The following KNDC1 variants were observed in gnomAD, a reference collection of about 807,000 sequenced individuals.
KNDC1 encodes the protein kinase non-catalytic C-lobe domain containing 1.
A neutral mutation model predicts 172.8 loss-of-function variants in KNDC1; 106 were observed. The observed-to-expected ratio is 0.61, with a 90% CI of 0.52 to 0.72. The LOEUF (loss-of-function observed/expected upper bound fraction) is 0.72, where lower values mean the gene tolerates loss of function less well. KNDC1 is among the 30% of genes least tolerant of loss of function. The probability of loss-of-function intolerance (pLI) is 0.00; values close to 1 mark genes in which losing one functional copy is unlikely to be tolerated. For missense variants in KNDC1, 2,325 were observed against 2,394.5 expected, an observed-to-expected ratio of 0.97 and a Z score of 0.61; for synonymous variants, 1,083 against 1,062.2, an observed-to-expected ratio of 1.02 and a Z score of -0.38.
At position 133,225,570 on chromosome 10, in the gene KNDC1, C is replaced by G. The variant is rs1169467270; in HGVS notation, c.*680C>G. 1 of 153,048 alleles carries G rather than the reference C, an allele frequency of 6.5e-6. No individual in the cohort carries two copies. Among genetic ancestry groups the G allele is most frequent in the Non-Finnish European group, 1.5e-5 (1 of 68,742 alleles). 9.5% of individuals were successfully genotyped at this position (153,048 alleles called of 1,614,324 possible). On this transcript the variant is annotated 3_prime_UTR_variant, in exon 30 of 30. Transcript: ENST00000304613. ...CTGCTCCCCCAGGGCCCAGGGCCCC[C>G]CAGCTTAGAACAGCCCTTGGTGAGG...
intron 23 of KNDC1, among the ~76,000 whole-genome samples, chr10:133,212,222 C>G (rs1165746416): frequency 6.6e-6 from 1 of 151,600 alleles, no homozygotes; most frequent in Non-Finnish European, 1.5e-5. Context: ...ATATCCACAC[C>G]TACACGTGTG....
chr10:133,200,410 G>A lies in KNDC1; in HGVS notation c.2939G>A (p.Ser980Asn). 6.3e-7 allele frequency: 1 copy of A among 1,598,634 alleles called. No individual in the cohort carries two copies. Among genetic ancestry groups the A allele is most frequent in the East Asian group, 2.3e-5 (1 of 43,320 alleles). ...GAGGCTGGGTCACAGCTCGAGGGCAGCCAAAGCCCCCGCTCCCCGTCCAGC... is the reference window on the plus strand; with the variant it reads ...GAGGCTGGGTCACAGCTCGAGGGCAACCAAAGCCCCCGCTCCCCGTCCAGC... ...AEEAGSQLEG[S>N]QSPRSPSSKR... The change falls in exon 16 of 30, where the codon AGC becomes AAC. Residue 980 changes from serine to asparagine, a missense_variant. By Grantham distance (46) the Ser-to-Asn change is conservative. Transcript: ENST00000304613.
In KNDC1 at chr10:133,198,725, G is replaced by C. The variant is rs745323541; in HGVS notation, c.2217G>C (p.Gln739His). 6.3e-7 allele frequency: 1 copy of C among 1,576,686 alleles called. No individual in the cohort carries two copies. Among genetic ancestry groups the C allele is most frequent in the South Asian group, 1.2e-5 (1 of 86,650 alleles). Reference sequence around the variant, plus strand: ...GGCCGGTGCCTGGTCCGGGGCCACAGGGAGCAGCCCCAGAGCCTCTTGGGG... The same window carrying C: ...GGCCGGTGCCTGGTCCGGGGCCACACGGAGCAGCCCCAGAGCCTCTTGGGG... ...PDGPVPGPGP[Q>H]GAAPEPLGAS... is the part of the protein sequence containing the mutation. Residue 739 changes from glutamine to histidine, a missense_variant, in exon 14 of 30, where the codon CAG becomes CAC. By Grantham distance (24) the Gln-to-His change is conservative. Transcript: ENST00000304613.
At chr10:133,164,602 C>T (rs888519790) in intron 1 of KNDC1, among the ~76,000 whole-genome samples, 17 of 152,190 alleles carry the variant, frequency 1.1e-4, no homozygotes, top group Non-Finnish European at 2.1e-4. Flanking sequence ...GAGGCCACCT[C>T]GGCAGCCCCG....
rs757182451 is a variant in KNDC1, at chr10:133,200,459, G to C, written c.2988G>C (p.Leu996=). The change falls in exon 16 of 30, where the codon CTG becomes CTC. Residue 996 remains leucine, a splice_region_variant and synonymous_variant. Transcript: ENST00000304613. Reference sequence around the variant, plus strand: ...GCAAGAGGCCGTCGCTGCACCGCCTGGGTAAGTGCTGGGCGGGCCCCGCGG... The same window carrying C: ...GCAAGAGGCCGTCGCTGCACCGCCTCGGTAAGTGCTGGGCGGGCCCCGCGG... The part of the protein sequence containing the change: ...PSSKRPSLHR[L]GKEKPAMART... The C allele has an allele frequency of 1.3e-6, 2 of 1,573,346 alleles. No homozygotes were observed. The highest frequency in any genetic ancestry group is 3.6e-5 in the Admixed American group (2 of 55,762).
rs769679687 is a variant in KNDC1 at position 133,188,575 on chromosome 10, C to T, written c.1363C>T (p.Arg455Trp). Residue 455 changes from arginine to tryptophan, a missense_variant, in exon 7 of 30, where the codon CGG becomes TGG. Coordinates refer to ENST00000304613, the MANE Select transcript of KNDC1 (RefSeq NM_152643.8). ...SLQDLLSQLG[R>W]PFREYELWAL... ...GCAGGACCTCCTGTCCCAGCTGGGC[C>T]GGCCCTTCCGGGAGTACGAGCTGTG... 4.4e-6 allele frequency: 7 copies of T among 1,587,480 alleles called. No individual in the cohort carries two copies. Among genetic ancestry groups the T allele is most frequent in the African/African-American group, 1.3e-5 (1 of 74,772 alleles).
Position 133,211,382 on chromosome 10 carries a change from C to T in KNDC1, c.3909-40C>T, listed in dbSNP as rs1489085352. 3.1e-6 allele frequency: 5 copies of T among 1,597,538 alleles called. No individual in the cohort carries two copies. The African/African-American group carries it at 4.0e-5, about 13-fold the overall frequency. ...AGCCCCTGGGCCTCTGCCCCCGACT[C>T]CCACATCCTGGCAGCTCAGCAGCTC... is the stretch of plus-strand genomic sequence containing the variant. On this transcript the variant is annotated intron_variant, in intron 21 of 29. Transcript: ENST00000304613.
chr10:133,186,888 A>G (rs948051253), intron 6 of KNDC1, among the ~76,000 whole-genome samples: 1 of 152,140 alleles, frequency 6.6e-6, no homozygotes, highest in African/African-American at 2.4e-5. Context: ...CCTCTCGGGT[A>G]GACGTTTGCC....
intron 29 of KNDC1, among the ~76,000 whole-genome samples, chr10:133,220,530 T>A (rs557401784): frequency 8.1e-3 from 125 of 15,492 alleles, no homozygotes; most frequent in African/African-American, 0.019. Context: ...CGCGCCCAGG[T>A]GAGGAGGGGC....
rs1040404028 is a variant in KNDC1 at position 133,197,591 on chromosome 10, G to A, written c.1813-84G>A. On this transcript the variant is annotated intron_variant, in intron 11 of 29. Transcript: ENST00000304613. The stretch of plus-strand genomic sequence containing the variant: ...AGCAGGAAGCTCCACGGCACCGGCG[G>A]GTGGTGGGGGACGCCCTGTGGGTGT... 7 of 1,017,744 alleles carry A rather than the reference G, an allele frequency of 6.9e-6. No homozygotes were observed. The South Asian group carries it at 7.8e-5, about 11-fold the overall frequency. The allele number at this position is 1,017,744 out of a possible 1,614,324, so 63.0% of individuals were successfully genotyped here.
intron 4 of KNDC1, 59 bp from the exon 5 acceptor site, chr10:133,183,813 T>C: frequency 7.5e-7 from 1 of 1,337,818 alleles, no homozygotes; most frequent in Non-Finnish European, 1.0e-6. Context: ...GTCGGGTGGG[T>C]GGCTGCGGGA....
At chr10:133,223,994 T>A (rs1431660520) in intron 29 of KNDC1, among the ~76,000 whole-genome samples, 40 of 130,394 alleles carry the variant, frequency 3.1e-4, no homozygotes, top group Middle Eastern at 4.3e-3. Flanking sequence ...TGTGTGTGTG[T>A]GAGAGAGCCC....
intron 3 of KNDC1, among the ~76,000 whole-genome samples, chr10:133,182,953 AGGCGGTGTG>A (rs1853763086): frequency 2.4e-5 from 3 of 125,974 alleles, no homozygotes; most frequent in African/African-American, 6.0e-5. Context: ...GTGTGGGCAC[AGGCGGTGTG>A]GGCACAGGCG....
rs569273422 is a variant in KNDC1 at position 133,209,250 on chromosome 10, T to C, written c.3795-1361T>C. 6.1e-5 allele frequency among the ~76,000 whole-genome samples: 9 copies of C among 147,888 alleles called. No individual in the cohort carries two copies. The highest frequency in any genetic ancestry group is 5.4e-4 in the Admixed American group (8 of 14,806). Reference sequence around the variant, plus strand: ...GTGTGGTGCGTATGCACATGTGTGGTGTGTGGTATGCGGTAGTGTGTGTGT... The same window carrying C: ...GTGTGGTGCGTATGCACATGTGTGGCGTGTGGTATGCGGTAGTGTGTGTGT... On this transcript the variant is annotated intron_variant, in intron 20 of 29. Coordinates refer to ENST00000304613, the MANE Select transcript of KNDC1 (RefSeq NM_152643.8). This position sits in a 1 kb window ranked among gnomAD's most constrained non-coding sequence, Gnocchi z 4.9.
chr10:133,212,932 G>A lies in KNDC1; in HGVS notation c.4443+10G>A, dbSNP rs1206461013. 1.9e-6 allele frequency: 3 copies of A among 1,604,836 alleles called. No individual in the cohort carries two copies. Among genetic ancestry groups the A allele is most frequent in the East Asian group, 2.2e-5 (1 of 44,702 alleles). ...CACGCTGCTACAGCAGGTGAGGAGG[G>A]CGAGGATCTGCGCCCAGGTCACCTG... On this transcript the variant is annotated intron_variant, in intron 24 of 29. Transcript: ENST00000304613.
Position 133,224,978 on chromosome 10 carries a change from C to T in KNDC1, c.*88C>T, listed in dbSNP as rs1589782266. ...GTGGGAGCCGCGTCTCAGGCCCGGCCGTTATCAAGGCCCCTCCGCCCCCGA... is the reference window on the plus strand; with the variant it reads ...GTGGGAGCCGCGTCTCAGGCCCGGCTGTTATCAAGGCCCCTCCGCCCCCGA... On this transcript the variant is annotated 3_prime_UTR_variant, in exon 30 of 30. Coordinates refer to ENST00000304613, the MANE Select transcript of KNDC1 (RefSeq NM_152643.8). This position sits in a 1 kb window ranked among gnomAD's most constrained non-coding sequence, Gnocchi z 5.4. 9.2e-7 allele frequency: 1 copy of T among 1,081,952 alleles called. No individual in the cohort carries two copies. The highest frequency in any genetic ancestry group is 1.4e-5 in the South Asian group (1 of 70,712). 67.0% of individuals were successfully genotyped at this position (1,081,952 alleles called of 1,614,324 possible).
chr10:133,183,364 G>A lies in KNDC1; in HGVS notation c.381G>A (p.Gly127=), dbSNP rs773149206. The change falls in exon 4 of 30, where the codon GGG becomes GGA. Residue 127 remains glycine (G), a synonymous_variant. Transcript: ENST00000304613. ...CACAGGCGCACATCTACTCTCTGGG[G>A]GCCACGCTGAAGGCCGCCCTCGAGT... ...NTFEAHIYSL[G]ATLKAALEYV... The A allele has an allele frequency of 1.3e-6, 2 of 1,597,072 alleles. No homozygotes were observed. Among genetic ancestry groups the A allele is most frequent in the South Asian group, 1.1e-5 (1 of 88,294 alleles).
intron 9 of KNDC1, among the ~76,000 whole-genome samples, chr10:133,195,239 G>A (rs1438325865): frequency 1.3e-5 from 2 of 152,244 alleles, no homozygotes; most frequent in South Asian, 4.1e-4. Flanking sequence ...CGGAGAGCCA[G>A]TTGTTAGCCA....
intron 28 of KNDC1, among the ~76,000 whole-genome samples, chr10:133,219,747 G>T (rs934724405): frequency 6.6e-6 from 1 of 152,256 alleles, no homozygotes; most frequent in Non-Finnish European, 1.5e-5. Context: ...TGTCAGGGCC[G>T]TGAAAGCTTA....
Sources: gnomAD v4.1 joint callset for allele counts (sites outside exome capture counted in the v4.1 genomes callset) on GRCh38, gnomAD v4.1.1 for gene constraint, Gnocchi (gnomAD v3.1) non-coding constraint, MANE v1.5 for transcripts, NCBI Gene and HGNC (gene_info 2026-07-23, HGNC 2026-07-21) for gene names.